MKLN1: variants seen among roughly 807,000 people sequenced by gnomAD.
The protein encoded by MKLN1 is muskelin.
In MKLN1, 18 loss-of-function variants were observed where a neutral mutation model predicts 99.0. That is an observed-to-expected ratio of 0.18 (90% confidence interval 0.13 to 0.27). MKLN1 has a LOEUF of 0.27. MKLN1 is among the 10% of genes least tolerant of loss of function. The pLI is 1.00. For missense variants in MKLN1, 621 were observed against 875.9 expected (o/e 0.71, Z 3.67); for synonymous variants, 288 against 293.2 (o/e 0.98, Z 0.18).
intron 2 of MKLN1, among the ~76,000 whole-genome samples, chr7:131,148,758 G>A (rs899220671): frequency 1.3e-5 from 2 of 151,944 alleles, no homozygotes; most frequent in East Asian, 1.9e-4. Context: ...TGGGTGACAG[G>A]GTGAGACCCA....
At chr7:131,416,697 G>T (rs1795026035) in intron 8 of MKLN1, among the ~76,000 whole-genome samples, 1 of 151,818 alleles carries the variant, frequency 6.6e-6, no homozygotes, top group South Asian at 2.1e-4. Flanking sequence ...AAATATTTCA[G>T]CTAGGCACAG....
intron 2 of MKLN1, 31 bp downstream of exon 2, chr7:131,375,524 T>C (rs775682525): frequency 5.3e-6 from 7 of 1,309,612 alleles, no homozygotes; most frequent in South Asian, 4.9e-5. Flanking sequence ...TAATGCTGTT[T>C]AGAAGTCACC....
chr7:131,155,887 C>G (rs1214978819), intron 2 of MKLN1, among the ~76,000 whole-genome samples: 2 of 152,116 alleles, frequency 1.3e-5, no homozygotes, highest in Non-Finnish European at 2.9e-5. Flanking sequence ...TACGCAAAAC[C>G]AAAAATAATT....
chr7:131,156,802 C>T (rs955096705), intron 2 of MKLN1, among the ~76,000 whole-genome samples: 1 of 152,164 alleles, frequency 6.6e-6, no homozygotes, highest in Non-Finnish European at 1.5e-5. Flanking sequence ...CTGTACACAG[C>T]ATCTGAGTGC....
intron 3 of MKLN1, among the ~76,000 whole-genome samples, chr7:131,320,110 T>C (rs897072721): frequency 1.3e-5 from 2 of 152,094 alleles, no homozygotes; most frequent in Non-Finnish European, 2.9e-5. Flanking sequence ...AGAAAGAGCC[T>C]GCATAGCCAA....
At chr7:131,275,551 ATATATATATATATATATTTTTTTTTTTT>A (rs1401347756) in intron 3 of MKLN1, among the ~76,000 whole-genome samples, 1 of 15,390 alleles carries the variant, frequency 6.5e-5, no homozygotes, top group Admixed American at 9.1e-4. Context: ...ATATATATAT[ATATATATATATATATATTTTTTTTTTTT>A]TTTTTTTTTT....
intron 9 of MKLN1, among the ~76,000 whole-genome samples, chr7:131,430,438 A>G (rs1179497802): frequency 1.3e-5 from 2 of 152,154 alleles, no homozygotes; most frequent in East Asian, 1.9e-4. Flanking sequence ...TCTGTCTTCA[A>G]CAACAAAAGA....
At chr7:131,177,039 G>A (rs1796309273) in intron 2 of MKLN1, among the ~76,000 whole-genome samples, 1 of 152,220 alleles carries the variant, frequency 6.6e-6, no homozygotes, top group Admixed American at 6.5e-5. Flanking sequence ...ACAAAGCCCA[G>A]AAAGGTTAAG....
chr7:131,239,945 G>A (rs942190207), intron 3 of MKLN1, among the ~76,000 whole-genome samples: 12 of 152,240 alleles, frequency 7.9e-5, no homozygotes, highest in African/African-American at 2.9e-4. Flanking sequence ...ACTTTGGGAG[G>A]CTGAGGCAGG....
intron 2 of MKLN1, among the ~76,000 whole-genome samples, chr7:131,147,744 A>G (rs1020645486): frequency 7.2e-5 from 11 of 152,166 alleles, no homozygotes; most frequent in African/African-American, 2.7e-4. Flanking sequence ...GATCCACTGC[A>G]CTAAATTGCC....
At chr7:131,295,188 G>A (rs571563848) in intron 3 of MKLN1, among the ~76,000 whole-genome samples, 1 of 151,456 alleles carries the variant, frequency 6.6e-6, no homozygotes, top group Non-Finnish European at 1.5e-5. Flanking sequence ...ATTTTATTTT[G>A]TAAAGACAGA....
intron 2 of MKLN1, among the ~76,000 whole-genome samples, chr7:131,190,128 A>G (rs993955549): frequency 1.3e-5 from 2 of 152,050 alleles, no homozygotes; most frequent in Non-Finnish European, 2.9e-5. Context: ...CCCCTTAAGG[A>G]TTTCTTAAAA....
At chr7:131,275,565 ATATTTTTTTT>A (rs1323950421) in intron 3 of MKLN1, among the ~76,000 whole-genome samples, 1 of 6,606 alleles carries the variant, frequency 1.5e-4, no homozygotes, top group African/African-American at 5.6e-4. Flanking sequence ...ATATATATAT[ATATTTTTTTT>A]TTTTTTTTTT....
intron 2 of MKLN1, among the ~76,000 whole-genome samples, chr7:131,197,919 C>T (rs1007989143): frequency 6.6e-6 from 1 of 152,092 alleles, no homozygotes; most frequent in African/African-American, 2.4e-5. Context: ...TCTGCAACCT[C>T]TGCCTCCCAG....
chr7:131,196,808 A>C (rs1341279654), intron 2 of MKLN1, among the ~76,000 whole-genome samples: 2 of 151,994 alleles, frequency 1.3e-5, no homozygotes, highest in Admixed American at 1.3e-4. Flanking sequence ...CCCCCATTTA[A>C]AAAGAAAAGC....
intron 14 of MKLN1, among the ~76,000 whole-genome samples, chr7:131,464,868 T>C (rs997797232): frequency 1.3e-5 from 2 of 152,254 alleles, no homozygotes; most frequent in African/African-American, 2.4e-5. Context: ...GAAATGGTCC[T>C]CTGTTGTGAA....
intron 3 of MKLN1, among the ~76,000 whole-genome samples, chr7:131,308,257 C>T (rs556250951): frequency 2.0e-5 from 3 of 149,078 alleles, no homozygotes; most frequent in Admixed American, 6.7e-5. Flanking sequence ...CCCAGTCTCA[C>T]GTAGTTTTTT....
At chr7:131,481,043 G>A (rs947564279) in intron 17 of MKLN1, among the ~76,000 whole-genome samples, 2 of 152,016 alleles carry the variant, frequency 1.3e-5, no homozygotes, top group Non-Finnish European at 2.9e-5. Context: ...TGTTTTATTT[G>A]GATTCTAAAC....
intron 9 of MKLN1, among the ~76,000 whole-genome samples, chr7:131,434,555 A>T (rs1328660436): frequency 6.6e-6 from 1 of 150,676 alleles, no homozygotes. Flanking sequence ...ATTTTATTTT[A>T]TTTTTTGTTT....
Sources: gnomAD v4.1 joint callset for allele counts (sites outside exome capture counted in the v4.1 genomes callset) on GRCh38, gnomAD v4.1.1 for gene constraint, MANE v1.5 for transcripts, NCBI Gene and HGNC (gene_info 2026-07-23, HGNC 2026-07-21) for gene names.